Variants in ATP9B observed in about 807,000 individuals in gnomAD.
ATP9B encodes probable phospholipid-transporting ATPase IIB.
ATP9B carries 110 observed loss-of-function variants against 146.1 expected under a neutral mutation model. The observed-to-expected ratio is 0.75, with a 90% confidence interval of 0.65 to 0.88. ATP9B has a LOEUF of 0.88. Ranked by LOEUF, ATP9B falls within the 40% of genes least tolerant of loss-of-function variation. The pLI is 0.00. For synonymous variants in ATP9B, 604 were observed against 569.7 expected (o/e 1.06, Z -0.86); for missense variants, 1,499 against 1,496.4 (o/e 1.00, Z -0.03).
At chr18:79,078,670 T>G (rs2146473089) in intron 1 of ATP9B, among the ~76,000 whole-genome samples, 1 of 152,288 alleles carries the variant, frequency 6.6e-6, no homozygotes, top group African/African-American at 2.4e-5. Flanking sequence ...TCAGTTTTTT[T>G]TTTTTTTATG....
At chr18:79,128,526 G>A (rs1031474619) in intron 5 of ATP9B, among the ~76,000 whole-genome samples, 1 of 152,178 alleles carries the variant, frequency 6.6e-6, no homozygotes, top group Non-Finnish European at 1.5e-5. Flanking sequence ...TCGAATGGTG[G>A]TGTGGTGGAG....
intron 26 of ATP9B, among the ~76,000 whole-genome samples, chr18:79,369,775 A>G (rs1266034604): frequency 6.6e-6 from 1 of 152,054 alleles, no homozygotes; most frequent in Non-Finnish European, 1.5e-5. Flanking sequence ...TACACATATG[A>G]CTTTGAGGTT....
At chr18:79,291,515 G>A (rs931502880) in intron 13 of ATP9B, among the ~76,000 whole-genome samples, 7 of 152,114 alleles carry the variant, frequency 4.6e-5, no homozygotes, top group South Asian at 2.1e-4. Context: ...AAAAATCATC[G>A]AGATTTAAAA....
At chr18:79,302,183 G>T (rs1379867264) in intron 13 of ATP9B, among the ~76,000 whole-genome samples, 2 of 152,200 alleles carry the variant, frequency 1.3e-5, no homozygotes, top group African/African-American at 4.8e-5. Context: ...GCAATGAATG[G>T]CTGTGTCATT....
At chr18:79,072,700 C>T (rs1461999686) in intron 1 of ATP9B, among the ~76,000 whole-genome samples, 2 of 132,156 alleles carry the variant, frequency 1.5e-5, no homozygotes, top group Non-Finnish European at 3.2e-5. Flanking sequence ...CGGGTGGGGG[C>T]GCCCCCCCAC....
At chr18:79,105,563 T>G (rs1402001636) in intron 2 of ATP9B, among the ~76,000 whole-genome samples, 1 of 152,222 alleles carries the variant, frequency 6.6e-6, no homozygotes, top group Non-Finnish European at 1.5e-5. Context: ...GAAAAAATTG[T>G]TCTGGTATCT....
intron 1 of ATP9B, among the ~76,000 whole-genome samples, chr18:79,073,210 C>T (rs1373625665): frequency 6.6e-6 from 1 of 152,204 alleles, no homozygotes; most frequent in African/African-American, 2.4e-5. Context: ...AGACGCTCCT[C>T]ACTTCCTAGA....
At chr18:79,216,507 A>T (rs1277490867) in intron 11 of ATP9B, among the ~76,000 whole-genome samples, 1 of 152,184 alleles carries the variant, frequency 6.6e-6, no homozygotes, top group East Asian at 1.9e-4. Context: ...GTTAGCTGTA[A>T]TTTTTATTTT....
chr18:79,135,394 A>G (rs544781651), intron 5 of ATP9B, among the ~76,000 whole-genome samples: 2 of 152,092 alleles, frequency 1.3e-5, no homozygotes, highest in East Asian at 1.9e-4. Flanking sequence ...AAGCTTTTCT[A>G]TCTATGGATT....
chr18:79,172,463 C>G (rs8085999), intron 7 of ATP9B, among the ~76,000 whole-genome samples: 2,098 of 46,708 alleles, frequency 0.045, 105 homozygotes, highest in African/African-American at 0.13. Context: ...CCCCGCCCTT[C>G]CGATCCGCCT....
intron 11 of ATP9B, among the ~76,000 whole-genome samples, chr18:79,219,361 T>G (rs2095657072): frequency 6.6e-6 from 1 of 151,744 alleles, no homozygotes; most frequent in South Asian, 2.1e-4. Flanking sequence ...GTGGACTGAT[T>G]GTGCTGTAAG....
intron 2 of ATP9B, among the ~76,000 whole-genome samples, chr18:79,106,027 A>G (rs909486253): frequency 6.6e-6 from 1 of 152,166 alleles, no homozygotes; most frequent in Non-Finnish European, 1.5e-5. Context: ...TGATGTGTTA[A>G]TATGCTTTGT....
intron 6 of ATP9B, among the ~76,000 whole-genome samples, chr18:79,148,078 A>G (rs1599906484): frequency 6.6e-6 from 1 of 152,214 alleles, no homozygotes; most frequent in African/African-American, 2.4e-5. Flanking sequence ...AAATGGACAA[A>G]TTCTTCTGAA....
rs1035000530 is a variant in ATP9B, at chr18:79,069,417, G to A, written c.7G>A (p.Asp3Asn). 1 of 1,517,828 alleles carries A rather than the reference G, an allele frequency of 6.6e-7. No individual in the cohort carries two copies. The highest frequency in any genetic ancestry group is 2.7e-5 in the East Asian group (1 of 36,568). The allele number at this position is 1,517,828 out of a possible 1,614,324, so 94.0% of individuals were successfully genotyped here. Residue 3 changes from aspartate to asparagine, a missense_variant, in exon 1 of 30, where the codon GAC (aspartate) becomes AAC (asparagine). Coordinates refer to ENST00000426216, the MANE Select transcript of ATP9B (RefSeq NM_198531.5). MA[D>N]QIPLYPVRSA... ...GGAAAGGGGCGGTCGGAACATGGCG[G>A]ACCAGATCCCGCTTTACCCGGTGCG...
intron 7 of ATP9B, among the ~76,000 whole-genome samples, chr18:79,157,889 T>C (rs2094819579): frequency 2.0e-5 from 3 of 152,338 alleles, no homozygotes; most frequent in Admixed American, 2.0e-4. Flanking sequence ...AATTGAACTC[T>C]TCTCTCTTTT....
chr18:79,256,898 A>G (rs1228501639), intron 12 of ATP9B, among the ~76,000 whole-genome samples: 1 of 152,220 alleles, frequency 6.6e-6, no homozygotes, highest in African/African-American at 2.4e-5. Flanking sequence ...CAAAAAGGAT[A>G]AGGGCTTTTA....
At chr18:79,069,853 C>T (rs2071510042) in intron 1 of ATP9B, among the ~76,000 whole-genome samples, 1 of 152,258 alleles carries the variant, frequency 6.6e-6, no homozygotes, top group Admixed American at 6.5e-5. Context: ...AAAGTGCTAA[C>T]TTCTCGGATA....
At chr18:79,185,780 T>TGA (rs1555735541) in intron 8 of ATP9B, among the ~76,000 whole-genome samples, 1 of 146,692 alleles carries the variant, frequency 6.8e-6, no homozygotes, top group Non-Finnish European at 1.5e-5. Context: ...GGTGTAGATC[T>TGA]GAGGGTCTTC....
chr18:79,160,992 A>G (rs2094871431), intron 7 of ATP9B, among the ~76,000 whole-genome samples: 2 of 152,046 alleles, frequency 1.3e-5, no homozygotes, highest in South Asian at 4.2e-4. Context: ...CTGGTCTTGT[A>G]CTTCTGACCT....
Sources: allele counts gnomAD v4.1 joint callset (sites outside exome capture counted in the v4.1 genomes callset), GRCh38; gene constraint gnomAD v4.1.1; transcripts MANE v1.5; gene names NCBI Gene and HGNC (gene_info 2026-07-23, HGNC 2026-07-21).